The following AGBL1 variants were observed in gnomAD, a reference collection of about 807,000 sequenced individuals.
AGBL1 encodes AGBL carboxypeptidase 1.
Under a neutral mutation model 118.9 loss-of-function variants are expected in AGBL1, and 130 were observed. The observed-to-expected ratio is 1.09, with a 90% CI of 0.95 to 1.26. AGBL1 has a LOEUF of 1.26. Among genes scored for constraint, AGBL1 ranks in the 50% most tolerant of loss-of-function variants. AGBL1 has a pLI of 0.00. For missense variants in AGBL1, 1,584 were observed against 1,298.1 expected, an observed-to-expected ratio of 1.22 and a Z score of -3.38; for synonymous variants, 555 against 478.9, an observed-to-expected ratio of 1.16 and a Z score of -2.08.
chr15:86,976,383 A>T (rs1178677218), intron 23 of AGBL1, among the ~76,000 whole-genome samples: 4 of 151,926 alleles, frequency 2.6e-5, no homozygotes, highest in Non-Finnish European at 5.9e-5. Context: ...CTTTACCCAT[A>T]TAATTTCTAA....
At chr15:86,801,351 A>ATCTG (rs1555451593) in intron 22 of AGBL1, among the ~76,000 whole-genome samples, 225 of 150,030 alleles carry the variant, frequency 1.5e-3, no homozygotes, top group African/African-American at 3.5e-3. Context: ...CTATCTATCT[A>ATCTG]TCTATATTAA....
intron 22 of AGBL1, among the ~76,000 whole-genome samples, chr15:86,826,549 C>T (rs546649654): frequency 2.8e-4 from 42 of 152,204 alleles, no homozygotes; most frequent in African/African-American, 9.6e-4. Flanking sequence ...TCCAGAAGGG[C>T]TTGTTAGATA....
Position 86,834,383 on chromosome 15 carries a change from T to C in AGBL1, c.3159-72704T>C, listed in dbSNP as rs77093008. Among the ~76,000 whole-genome samples the C allele has an allele frequency of 8.1e-3, 1,228 of 152,232 alleles. 19 individuals carry two copies. The highest frequency in any genetic ancestry group is 0.028 in the African/African-American group (1,177 of 41,544). ...TGAATGTCATGGTCTCAGAATCAGCTCTATGGCACCAGGGAATTTAACCTG... is the reference window on the plus strand; with the variant it reads ...TGAATGTCATGGTCTCAGAATCAGCCCTATGGCACCAGGGAATTTAACCTG... On this transcript the variant is annotated intron_variant, in intron 22 of 22. Coordinates refer to ENST00000614907, the MANE Select transcript of AGBL1 (RefSeq NM_001386094.1).
At chr15:86,608,274 T>C (rs772522627) in intron 21 of AGBL1, among the ~76,000 whole-genome samples, 12 of 152,158 alleles carry the variant, frequency 7.9e-5, no homozygotes, top group Non-Finnish European at 1.6e-4. Flanking sequence ...TCTACTATGT[T>C]AGGGCAAGAC....
At chr15:86,306,563 G>A (rs12439694) in intron 17 of AGBL1, among the ~76,000 whole-genome samples, 5,883 of 152,124 alleles carry the variant, frequency 0.039, 166 homozygotes, top group Non-Finnish European at 0.058. Flanking sequence ...TCATTCATGT[G>A]TTGAGGGACA....
At chr15:86,565,900 G>A (rs544241086) in intron 21 of AGBL1, among the ~76,000 whole-genome samples, 3 of 152,336 alleles carry the variant, frequency 2.0e-5, no homozygotes, top group South Asian at 2.1e-4. Context: ...AGCAATGAGC[G>A]AGGCTCCATG....
At chr15:86,379,617 T>C (rs1188825008) in intron 17 of AGBL1, among the ~76,000 whole-genome samples, 1 of 152,242 alleles carries the variant, frequency 6.6e-6, no homozygotes, top group Non-Finnish European at 1.5e-5. Flanking sequence ...TATTTAATTT[T>C]GACAACAACC....
intron 5 of AGBL1, among the ~76,000 whole-genome samples, chr15:86,162,895 C>T (rs1567096652): frequency 6.6e-6 from 1 of 152,146 alleles, no homozygotes; most frequent in Admixed American, 6.5e-5. Flanking sequence ...ACCCAGTCTC[C>T]AGACTTCACT....
chr15:86,532,251 C>T (rs533952972), intron 19 of AGBL1, among the ~76,000 whole-genome samples: 5 of 151,744 alleles, frequency 3.3e-5, no homozygotes, highest in African/African-American at 1.2e-4. Flanking sequence ...TGATAAGCAA[C>T]TTCAGCAAAG....
chr15:86,600,360 C>T (rs1313238273), intron 21 of AGBL1, among the ~76,000 whole-genome samples: 1 of 152,136 alleles, frequency 6.6e-6, no homozygotes, highest in Non-Finnish European at 1.5e-5. Flanking sequence ...TCCAGAAACA[C>T]AAATATTATC....
intron 18 of AGBL1, among the ~76,000 whole-genome samples, chr15:86,514,982 G>A (rs985013066): frequency 2.0e-5 from 3 of 151,932 alleles, no homozygotes; most frequent in African/African-American, 7.3e-5. Flanking sequence ...TTACATAGTT[G>A]CATAATACTT....
intron 18 of AGBL1, among the ~76,000 whole-genome samples, chr15:86,503,500 T>C (rs1295030566): frequency 6.6e-6 from 1 of 151,200 alleles, no homozygotes; most frequent in Non-Finnish European, 1.5e-5. Context: ...TTTCTAGTTT[T>C]TTAATATAAA....
intron 22 of AGBL1, among the ~76,000 whole-genome samples, chr15:86,844,321 A>T (rs1414193632): frequency 6.6e-6 from 1 of 152,168 alleles, no homozygotes. Context: ...ACCTTTTACA[A>T]TCTCATAAGC....
At chr15:86,165,062 T>G (rs965862057) in intron 5 of AGBL1, among the ~76,000 whole-genome samples, 1 of 152,110 alleles carries the variant, frequency 6.6e-6, no homozygotes, top group Non-Finnish European at 1.5e-5. Flanking sequence ...TCTCATGTTA[T>G]GAGATTGTGG....
chr15:87,004,259 C>T (rs1415747819), intron 24 of AGBL1, among the ~76,000 whole-genome samples: 2 of 152,024 alleles, frequency 1.3e-5, no homozygotes, highest in African/African-American at 4.8e-5. Flanking sequence ...GTTCAGTTTC[C>T]ATGTAGCTGA....
At chr15:86,942,840 TCTTGTAATAC>T (rs1242932004) in intron 23 of AGBL1, among the ~76,000 whole-genome samples, 6 of 152,236 alleles carry the variant, frequency 3.9e-5, no homozygotes, top group Non-Finnish European at 5.9e-5. Flanking sequence ...TTCTTGTCTT[TCTTGTAATAC>T]CTTGTCAATC....
intron 21 of AGBL1, among the ~76,000 whole-genome samples, chr15:86,666,888 T>C (rs572807331): frequency 3.3e-5 from 5 of 152,206 alleles, no homozygotes; most frequent in Non-Finnish European, 7.3e-5. Flanking sequence ...ACTAGGACTG[T>C]AACCCCAGCA....
At chr15:86,314,003 G>A (rs961046641) in intron 17 of AGBL1, among the ~76,000 whole-genome samples, 3 of 152,196 alleles carry the variant, frequency 2.0e-5, no homozygotes, top group Non-Finnish European at 4.4e-5. Flanking sequence ...TGAGATGGGT[G>A]ATATCAGAAT....
intron 1 of AGBL1, among the ~76,000 whole-genome samples, chr15:86,140,720 G>A (rs931283439): frequency 6.6e-6 from 1 of 152,124 alleles, no homozygotes; most frequent in African/African-American, 2.4e-5. Context: ...GGATGAGCTG[G>A]CATTGACTAG....
Sources: gnomAD v4.1 joint callset for allele counts (sites outside exome capture counted in the v4.1 genomes callset) on GRCh38, gnomAD v4.1.1 for gene constraint, MANE v1.5 for transcripts, NCBI Gene and HGNC (gene_info 2026-07-23, HGNC 2026-07-21) for gene names.